The following GNA13 variants were observed in gnomAD, a reference collection of about 807,000 sequenced individuals.
GNA13 encodes the protein guanine nucleotide-binding protein subunit alpha-13.
GNA13 carries 4 observed loss-of-function variants against 33.5 expected under a neutral mutation model. The observed-to-expected ratio is 0.12, with a 90% CI of 0.06 to 0.27. The LOEUF (loss-of-function observed/expected upper bound fraction) is 0.27. Ranked by LOEUF, GNA13 falls within the 10% of genes least tolerant of loss-of-function variation. The pLI is 1.00. For missense variants in GNA13, 319 were observed against 487.2 expected, an observed-to-expected ratio of 0.65 and a Z score of 3.25; for synonymous variants, 176 against 183.8, an observed-to-expected ratio of 0.96 and a Z score of 0.34.
intron 2 of GNA13, among the ~76,000 whole-genome samples, chr17:65,033,953 C>G (rs1356865073): frequency 1.7e-5 from 2 of 120,766 alleles, no homozygotes; most frequent in East Asian, 2.9e-4. Context: ...GCGGAGGTTG[C>G]AGTGAGCCAA....
At chr17:65,031,837 C>T (rs1367130260) in intron 2 of GNA13, among the ~76,000 whole-genome samples, 4 of 133,752 alleles carry the variant, frequency 3.0e-5, no homozygotes, top group South Asian at 2.4e-4. Flanking sequence ...ACTATTGAGC[C>T]CAGGAGTTCT....
intron 2 of GNA13, among the ~76,000 whole-genome samples, chr17:65,043,122 G>C (rs1907523570): frequency 6.6e-6 from 1 of 152,108 alleles, no homozygotes; most frequent in Non-Finnish European, 1.5e-5. Context: ...GGACTTGCCT[G>C]AGCTCACACA....
chr17:65,021,064 A>G (rs1434307877), intron 2 of GNA13, among the ~76,000 whole-genome samples: 1 of 152,186 alleles, frequency 6.6e-6, no homozygotes, highest in Non-Finnish European at 1.5e-5. Context: ...AGAACACTAC[A>G]GGTAAGTTTC....
At chr17:65,037,777 G>GAAAAAAAAAAAAAAAAAAAAAA (rs145051963) in intron 2 of GNA13, among the ~76,000 whole-genome samples, 2 of 82,062 alleles carry the variant, frequency 2.4e-5, no homozygotes, top group Non-Finnish European at 2.1e-5. Flanking sequence ...CTACAAAAAT[G>GAAAAAAAAAAAAAAAAAAAAAA]GAAAAAAAAA....
At chr17:65,049,658 C>CA (rs1386827280) in intron 2 of GNA13, among the ~76,000 whole-genome samples, 1 of 152,096 alleles carries the variant, frequency 6.6e-6, no homozygotes, top group Non-Finnish European at 1.5e-5. Flanking sequence ...GGAGATGCTT[C>CA]AAATAAAGAG....
intron 2 of GNA13, among the ~76,000 whole-genome samples, chr17:65,045,042 CAAA>C (rs1244382117): frequency 3.8e-5 from 2 of 53,266 alleles, no homozygotes; most frequent in Non-Finnish European, 3.8e-5. Context: ...GACTCCATCT[CAAA>C]AAAAAAAAAA....
chr17:65,035,040 C>G (rs1312551749), intron 2 of GNA13, among the ~76,000 whole-genome samples: 1 of 152,196 alleles, frequency 6.6e-6, no homozygotes, highest in Non-Finnish European at 1.5e-5. Flanking sequence ...CCGCCTTGGC[C>G]TCCCAAAGTG....
chr17:65,023,363 A>G (rs1037096125), intron 2 of GNA13, among the ~76,000 whole-genome samples: 2 of 152,232 alleles, frequency 1.3e-5, no homozygotes, highest in Admixed American at 6.5e-5. Flanking sequence ...GTCAGAAACA[A>G]AAAGTGAAAA....
intron 2 of GNA13, among the ~76,000 whole-genome samples, chr17:65,050,291 T>C (rs145176201): frequency 1.8e-4 from 28 of 152,326 alleles, no homozygotes; most frequent in African/African-American, 6.5e-4. Context: ...GTAGATGGAA[T>C]TGATGATGAC....
intron 2 of GNA13, among the ~76,000 whole-genome samples, chr17:65,051,238 A>G (rs1196160359): frequency 1.3e-5 from 2 of 152,240 alleles, no homozygotes; most frequent in Non-Finnish European, 2.9e-5. Flanking sequence ...AAGGATGAAT[A>G]GAGCCTGACA....
At chr17:65,036,159 C>T (rs1907238257) in intron 2 of GNA13, among the ~76,000 whole-genome samples, 1 of 152,200 alleles carries the variant, frequency 6.6e-6, no homozygotes, top group South Asian at 2.1e-4. Flanking sequence ...AAAATTTCCA[C>T]ACAGCCTATA....
At chr17:65,037,618 A>G (rs564417516) in intron 2 of GNA13, among the ~76,000 whole-genome samples, 1 of 151,988 alleles carries the variant, frequency 6.6e-6, no homozygotes, top group East Asian at 1.9e-4. Flanking sequence ...CATTCTCAAA[A>G]GATGTAGAGA....
At chr17:65,042,974 T>G (rs1397370144) in intron 2 of GNA13, among the ~76,000 whole-genome samples, 1 of 152,182 alleles carries the variant, frequency 6.6e-6, no homozygotes, top group East Asian at 1.9e-4. Flanking sequence ...CTAATATTAA[T>G]AATATGGTTA....
Position 65,010,710 on chromosome 17 carries a change from C to T in GNA13, c.*3547G>A, listed in dbSNP as rs187786929. 3 of 208,178 alleles carry T rather than the reference C, an allele frequency of 1.4e-5. No homozygotes were observed. Among genetic ancestry groups the T allele is most frequent in the South Asian group, 1.9e-4 (1 of 5,288 alleles). The allele number at this position is 208,178 out of a possible 1,614,324, so 12.9% of individuals were successfully genotyped here. ...AAAACTAAAATAAATGAAATGGTAA[C>T]AGAGTGACTTTCTCTAAATTTATTA... On this transcript the variant is annotated 3_prime_UTR_variant, in exon 4 of 4. Transcript: ENST00000439174.
chr17:65,015,331 G>A (rs1046842268), intron 3 of GNA13, among the ~76,000 whole-genome samples: 10 of 151,876 alleles, frequency 6.6e-5, no homozygotes, highest in Admixed American at 2.6e-4. Flanking sequence ...TCCTGTCTGC[G>A]TATCTACCTT....
rs199590943 is a variant in GNA13 at position 65,037,776 on chromosome 17, TG to T, written c.510+15725del. 0.034 allele frequency among the ~76,000 whole-genome samples: 30 copies of T among 894 alleles called. 6 individuals are homozygous for T. The South Asian group carries it at 0.39, about 12-fold the overall frequency. 0.6% of individuals were successfully genotyped at this position (894 alleles called of 152,430 possible). On this transcript the variant is annotated intron_variant, in intron 2 of 3. Transcript: ENST00000439174. ...GAGAGAGACCCAGCCTCTACAAAAA[TG>T]GAAAAAAAAAAAAAAAAAAAAAAGA... is the stretch of plus-strand genomic sequence containing the variant.
At chr17:65,037,777 GGAAAAAAAAAA>G (rs1907305001) in intron 2 of GNA13, among the ~76,000 whole-genome samples, 1 of 82,042 alleles carries the variant, frequency 1.2e-5, no homozygotes, top group African/African-American at 5.1e-5. Context: ...CTACAAAAAT[GGAAAAAAAAAA>G]AAAAAAAAAA....
chr17:65,026,412 A>C (rs909080469), intron 2 of GNA13, among the ~76,000 whole-genome samples: 2 of 152,214 alleles, frequency 1.3e-5, no homozygotes, highest in Non-Finnish European at 2.9e-5. Flanking sequence ...ACTAGAAAAT[A>C]CTCTATGGCT....
intron 1 of GNA13, 79 bp downstream of exon 1, chr17:65,056,231 AG>A (rs1908051389): frequency 1.1e-6 from 1 of 952,108 alleles, no homozygotes; most frequent in Non-Finnish European, 1.5e-6. Context: ...ACAGCGGACC[AG>A]GGCGGTGCCC....
Sources: gnomAD v4.1 joint callset for allele counts (sites outside exome capture counted in the v4.1 genomes callset) on GRCh38, gnomAD v4.1.1 for gene constraint, MANE v1.5 for transcripts, NCBI Gene and HGNC (gene_info 2026-07-23, HGNC 2026-07-21) for gene names.